The following CCSER1 variants were observed in gnomAD, a reference collection of about 807,000 sequenced individuals.
CCSER1 encodes coiled-coil serine rich protein 1.
Under a neutral mutation model 82.0 loss-of-function variants are expected in CCSER1, and 41 were observed. The ratio of observed to expected loss-of-function variants is 0.50; its 90% CI spans 0.39 to 0.65. The LOEUF is 0.65. CCSER1 is among the 30% of genes least tolerant of loss of function. The pLI is 0.00. For synonymous variants in CCSER1, 414 were observed against 383.9 expected (o/e 1.08, Z -0.92); for missense variants, 1,119 against 1,064.2 (o/e 1.05, Z -0.72).
intron 8 of CCSER1, among the ~76,000 whole-genome samples, chr4:90,873,717 T>C (rs72881371): frequency 6.6e-6 from 1 of 152,232 alleles, no homozygotes; most frequent in Admixed American, 6.5e-5. Context: ...GATTTATGTA[T>C]ATGTATGTAC....
intron 10 of CCSER1, among the ~76,000 whole-genome samples, chr4:91,470,579 A>C (rs995384650): frequency 1.3e-5 from 2 of 152,154 alleles, no homozygotes; most frequent in Non-Finnish European, 1.5e-5. Flanking sequence ...GATTACAGAC[A>C]TGAGCCACAC....
At position 90,533,081 on chromosome 4, in the gene CCSER1, T is replaced by TG. The variant is rs1199850536; in HGVS notation, c.1724+64730dup. Among the ~76,000 whole-genome samples, 311 of 141,868 alleles carry TG rather than the reference T, an allele frequency of 2.2e-3. 1 individual carries two copies. The highest frequency in any genetic ancestry group is 3.6e-3 in the Non-Finnish European group (239 of 65,876). 93.1% of individuals were successfully genotyped at this position (141,868 alleles called of 152,430 possible). A position where few individuals can be genotyped will look rare whatever the true frequency, so the allele number is the denominator to read the frequency against. Reference sequence around the variant, plus strand: ...CAAATTTGAATATGCAAAATTTCTGTGGGTTTTTTTTTTTTTTTTTTTTTT... The same window carrying TG: ...CAAATTTGAATATGCAAAATTTCTGTGGGGTTTTTTTTTTTTTTTTTTTTTT... On this transcript the variant is annotated intron_variant, in intron 5 of 10. Transcript: ENST00000509176.
chr4:91,140,575 T>C (rs79128246), intron 10 of CCSER1, among the ~76,000 whole-genome samples: 4,983 of 152,286 alleles, frequency 0.033, 128 homozygotes, highest in South Asian at 0.086. Context: ...TAATTCATTA[T>C]GTTTTATTAA....
At chr4:90,791,599 C>G (rs972670248) in intron 7 of CCSER1, among the ~76,000 whole-genome samples, 2 of 151,604 alleles carry the variant, frequency 1.3e-5, no homozygotes, top group East Asian at 1.9e-4. Context: ...ACCTGTAATC[C>G]CAGCACTTTG....
chr4:91,129,170 G>T (rs1727780230), intron 10 of CCSER1, among the ~76,000 whole-genome samples: 1 of 151,998 alleles, frequency 6.6e-6, no homozygotes, highest in Non-Finnish European at 1.5e-5. Flanking sequence ...GCTTTGCCTA[G>T]AAATTTTACC....
chr4:90,614,175 T>A (rs1720781178), intron 5 of CCSER1, among the ~76,000 whole-genome samples: 1 of 152,198 alleles, frequency 6.6e-6, no homozygotes, highest in African/African-American at 2.4e-5. Context: ...TTGATGTTAC[T>A]ATTGTAATTG....
At chr4:90,889,623 TTAAA>T (rs1231715864) in intron 8 of CCSER1, among the ~76,000 whole-genome samples, 2 of 152,122 alleles carry the variant, frequency 1.3e-5, no homozygotes, top group African/African-American at 4.8e-5. Flanking sequence ...CAGAAACAGC[TTAAA>T]TATCCATCAA....
At chr4:90,491,310 C>A (rs1202892048) in intron 5 of CCSER1, among the ~76,000 whole-genome samples, 1 of 152,114 alleles carries the variant, frequency 6.6e-6, no homozygotes, top group Non-Finnish European at 1.5e-5. Flanking sequence ...CATGATTTGG[C>A]TCTCTGTTGG....
intron 10 of CCSER1, among the ~76,000 whole-genome samples, chr4:91,143,979 G>A (rs1417262450): frequency 2.0e-5 from 3 of 152,050 alleles, no homozygotes; most frequent in East Asian, 3.9e-4. Flanking sequence ...TCAAGACAAT[G>A]CTAACTTTGT....
rs532237586 is a variant in CCSER1, at chr4:90,868,201, C to T, written c.2094+52356C>T. Among the ~76,000 whole-genome samples, 14 of 152,018 alleles carry T rather than the reference C, an allele frequency of 9.2e-5. No individual in the cohort carries two copies. In the East Asian group the frequency reaches 1.9e-3, roughly 21 times the overall value. ...TTTATCTTTTGTGTTGCAAATAGTC[C>T]GGTTATACTCTTTAAGTTATTTTTA... On this transcript the variant is annotated intron_variant, in intron 8 of 10. Coordinates refer to ENST00000509176, the MANE Select transcript of CCSER1 (RefSeq NM_001145065.2).
chr4:90,295,536 G>A (rs928667132), intron 1 of CCSER1, among the ~76,000 whole-genome samples: 2 of 151,556 alleles, frequency 1.3e-5, no homozygotes, highest in African/African-American at 2.4e-5. Flanking sequence ...CTATTTCCCC[G>A]ATTACTAATG....
chr4:90,355,159 A>T (rs1211374275), intron 3 of CCSER1, among the ~76,000 whole-genome samples: 1 of 152,022 alleles, frequency 6.6e-6, no homozygotes, highest in African/African-American at 2.4e-5. Context: ...TGTATTTATA[A>T]AAAGGAAATT....
At chr4:90,185,499 A>T (rs1734453094) in intron 1 of CCSER1, among the ~76,000 whole-genome samples, 1 of 152,064 alleles carries the variant, frequency 6.6e-6, no homozygotes, top group Non-Finnish European at 1.5e-5. Context: ...CAGAGGAGTA[A>T]GTCTGCCTTG....
intron 10 of CCSER1, among the ~76,000 whole-genome samples, chr4:91,130,600 A>G (rs1294646191): frequency 2.0e-5 from 3 of 151,908 alleles, no homozygotes; most frequent in Non-Finnish European, 4.4e-5. Flanking sequence ...AGTTACATAT[A>G]TGGCATACTA....
chr4:91,213,328 G>A (rs1313375119), intron 10 of CCSER1, among the ~76,000 whole-genome samples: 1 of 152,060 alleles, frequency 6.6e-6, no homozygotes, highest in Non-Finnish European at 1.5e-5. Context: ...AAACAGAGAT[G>A]TAGTGCTGCT....
chr4:91,074,407 A>T (rs185073085), intron 9 of CCSER1, among the ~76,000 whole-genome samples: 2 of 152,334 alleles, frequency 1.3e-5, no homozygotes, highest in Admixed American at 1.3e-4. Context: ...ACATCAGTGC[A>T]TGTTGCAGTT....
chr4:90,849,248 G>C (rs1297624574), intron 8 of CCSER1, among the ~76,000 whole-genome samples: 1 of 152,206 alleles, frequency 6.6e-6, no homozygotes, highest in Non-Finnish European at 1.5e-5. Flanking sequence ...TAGTGATATG[G>C]ATAACGAAGT....
At chr4:91,205,955 A>T (rs1294770113) in intron 10 of CCSER1, among the ~76,000 whole-genome samples, 1 of 151,894 alleles carries the variant, frequency 6.6e-6, no homozygotes, top group Non-Finnish European at 1.5e-5. Context: ...TAAATAAATA[A>T]TAAAAGTAAA....
At chr4:90,285,054 A>G (rs1729610222) in intron 1 of CCSER1, among the ~76,000 whole-genome samples, 1 of 151,766 alleles carries the variant, frequency 6.6e-6, no homozygotes, top group South Asian at 2.1e-4. Flanking sequence ...TCTTGTTTCA[A>G]AGTTATTAAT....
Sources: gnomAD v4.1 joint callset for allele counts (sites outside exome capture counted in the v4.1 genomes callset) on GRCh38, gnomAD v4.1.1 for gene constraint, MANE v1.5 for transcripts, NCBI Gene and HGNC (gene_info 2026-07-23, HGNC 2026-07-21) for gene names.